Variants in TLE4 observed in about 807,000 individuals in gnomAD.
The protein encoded by TLE4 is TLE family member 4, transcriptional corepressor, also known as transducin-like enhancer protein 4.
TLE4 carries 8 observed loss-of-function variants against 92.8 expected under a neutral mutation model. The observed-to-expected ratio is 0.09, with a 90% CI of 0.05 to 0.16. The LOEUF (loss-of-function observed/expected upper bound fraction) is 0.16. Ranked by LOEUF, TLE4 falls within the 10% of genes least tolerant of loss-of-function variation. The probability of loss-of-function intolerance (pLI) is 1.00; values close to 1 mark genes in which losing one functional copy is unlikely to be tolerated. For synonymous variants in TLE4, 371 were observed against 374.1 expected, an observed-to-expected ratio of 0.99 and a Z score of 0.10; for missense variants, 675 against 997.6, an observed-to-expected ratio of 0.68 and a Z score of 4.36.
intron 14 of TLE4, among the ~76,000 whole-genome samples, chr9:79,717,264 T>C (rs926619959): frequency 2.6e-5 from 4 of 152,204 alleles, no homozygotes; most frequent in African/African-American, 9.7e-5. Flanking sequence ...AGTTATGCTT[T>C]CCTGTCATCT....
chr9:79,617,009 G>A lies in TLE4; in HGVS notation c.315+4291G>A, dbSNP rs189674101. Among the ~76,000 whole-genome samples, 615 of 152,280 alleles carry A rather than the reference G, an allele frequency of 4.0e-3. 5 individuals carry two copies. Among genetic ancestry groups the A allele is most frequent in the African/African-American group, 0.014 (589 of 41,554 alleles). On this transcript the variant is annotated intron_variant, in intron 5 of 19. Transcript: ENST00000376552. The stretch of plus-strand genomic sequence containing the variant: ...TAACAGACTTGGCATAGGGAGTGCC[G>A]TTTCCCCACCTGCTCTTTTCCTATT...
In TLE4 at chr9:79,724,849, T is replaced by TAAAAAAAAAAAA. The variant is rs947971071; in HGVS notation, c.2215-167_2215-156dup. On this transcript the variant is annotated intron_variant, in intron 19 of 19. Transcript: ENST00000376552. ...GTGACTGAGGGAGACCCTGTCTTAT[T>TAAAAAAAAAAAA]AAAAAAAAAAAAAAAAAAAAAAAAA... 5.0e-4 allele frequency among the ~76,000 whole-genome samples: 13 copies of TAAAAAAAAAAAA among 25,986 alleles called. 4 individuals carry two copies. Among genetic ancestry groups the TAAAAAAAAAAAA allele is most frequent in the South Asian group, 3.2e-3 (1 of 314 alleles). The allele number at this position is 25,986 out of a possible 152,430, so 17.0% of individuals were successfully genotyped here.
intron 19 of TLE4, 148 bp downstream of exon 19, chr9:79,723,183 A>C: frequency 2.7e-6 from 2 of 747,958 alleles, no homozygotes. Context: ...GTCCAAGGAG[A>C]GGTTAAGTGT....
At chr9:79,629,417 G>A (rs1297474646) in intron 6 of TLE4, among the ~76,000 whole-genome samples, 2 of 151,966 alleles carry the variant, frequency 1.3e-5, no homozygotes, top group African/African-American at 2.4e-5. Flanking sequence ...TGGAATGGCC[G>A]ATTGCCTTTT....
chr9:79,573,117 C>T (rs1241891256), intron 1 of TLE4: 1 of 628,116 alleles, frequency 1.6e-6, no homozygotes, highest in Non-Finnish European at 2.2e-6. Context: ...CGCCGCGACT[C>T]CTCGAGGGGG....
At chr9:79,714,288 G>A (rs2074019334) in intron 14 of TLE4, among the ~76,000 whole-genome samples, 1 of 152,154 alleles carries the variant, frequency 6.6e-6, no homozygotes. Context: ...TTCTGGGAAG[G>A]TCTCAGGCTG....
At chr9:79,724,937 G>T in intron 19 of TLE4, 100 bp from the exon 20 acceptor site, 1 of 697,022 alleles carries the variant, frequency 1.4e-6, no homozygotes, top group Non-Finnish European at 2.4e-6. Context: ...CTTTCTGTTT[G>T]GTCAAGGAGC....
intron 8 of TLE4, among the ~76,000 whole-genome samples, chr9:79,672,895 A>T (rs764356560): frequency 6.6e-6 from 1 of 152,186 alleles, no homozygotes; most frequent in South Asian, 2.1e-4. Context: ...TACAGCGACA[A>T]TTAGAGTTAT....
intron 6 of TLE4, among the ~76,000 whole-genome samples, chr9:79,640,671 C>T (rs1273265342): frequency 1.3e-5 from 2 of 152,124 alleles, no homozygotes; most frequent in Non-Finnish European, 2.9e-5. Flanking sequence ...TAACACTCAG[C>T]TCCTTCTGTT....
chr9:79,691,971 T>G (rs1357312393), intron 8 of TLE4, among the ~76,000 whole-genome samples: 1 of 152,204 alleles, frequency 6.6e-6, no homozygotes, highest in Non-Finnish European at 1.5e-5. Flanking sequence ...CTTAATTGTA[T>G]TTCTAGTGCC....
intron 14 of TLE4, among the ~76,000 whole-genome samples, chr9:79,717,022 C>G (rs2074632979): frequency 6.6e-6 from 1 of 152,212 alleles, no homozygotes; most frequent in African/African-American, 2.4e-5. Context: ...ACTTCCATAA[C>G]TACTCTGGCC....
At chr9:79,651,459 G>C (rs1424866173) in intron 6 of TLE4, among the ~76,000 whole-genome samples, 1 of 152,136 alleles carries the variant, frequency 6.6e-6, no homozygotes, top group Admixed American at 6.5e-5. Flanking sequence ...TGTGTTGCCA[G>C]TGTGCTGGTA....
intron 6 of TLE4, among the ~76,000 whole-genome samples, chr9:79,642,072 T>G (rs1053534150): frequency 6.6e-6 from 1 of 151,838 alleles, no homozygotes; most frequent in South Asian, 2.1e-4. Flanking sequence ...CACACACACA[T>G]ATGCACATAG....
chr9:79,640,861 AGTTTAAG>A (rs2056990941), intron 6 of TLE4, among the ~76,000 whole-genome samples: 1 of 152,168 alleles, frequency 6.6e-6, no homozygotes, highest in Non-Finnish European at 1.5e-5. Flanking sequence ...TATAAAGGCC[AGTTTAAG>A]CTGGTTTACA....
intron 5 of TLE4, among the ~76,000 whole-genome samples, chr9:79,615,232 T>G (rs1423421932): frequency 6.6e-6 from 1 of 152,072 alleles, no homozygotes; most frequent in African/African-American, 2.4e-5. Context: ...GAATTCTGTT[T>G]CCTGTCTCTT....
intron 5 of TLE4, among the ~76,000 whole-genome samples, chr9:79,621,975 C>T (rs2051128961): frequency 6.6e-6 from 1 of 152,210 alleles, no homozygotes; most frequent in Non-Finnish European, 1.5e-5. Context: ...ACCTCTCTGC[C>T]ATCCACCTTC....
At chr9:79,633,359 A>G (rs987493879) in intron 6 of TLE4, among the ~76,000 whole-genome samples, 2 of 152,112 alleles carry the variant, frequency 1.3e-5, no homozygotes, top group African/African-American at 4.8e-5. Context: ...CTCACCTCCA[A>G]AACTGGGACT....
intron 4 of TLE4, among the ~76,000 whole-genome samples, chr9:79,592,253 T>TGC (rs1564205444): frequency 2.8e-5 from 4 of 145,242 alleles, no homozygotes; most frequent in African/African-American, 1.0e-4. Context: ...CTTCTTCTTC[T>TGC]TTCTTCTTTC....
At chr9:79,598,172 C>A (rs1157996699) in intron 4 of TLE4, among the ~76,000 whole-genome samples, 1 of 151,292 alleles carries the variant, frequency 6.6e-6, no homozygotes, top group African/African-American at 2.4e-5. Context: ...TTGCTTGAAC[C>A]CAGGGGGCGG....
Sources: allele counts gnomAD v4.1 joint callset (sites outside exome capture counted in the v4.1 genomes callset), GRCh38; gene constraint gnomAD v4.1.1; transcripts MANE v1.5; gene names NCBI Gene and HGNC (gene_info 2026-07-23, HGNC 2026-07-21).